PLXNA2: variants seen among roughly 807,000 people sequenced by gnomAD.
The protein encoded by PLXNA2 is plexin A2.
Under a neutral mutation model 193.5 loss-of-function variants are expected in PLXNA2, and 91 were observed. The observed-to-expected ratio is 0.47, with a 90% CI of 0.40 to 0.56. The LOEUF (loss-of-function observed/expected upper bound fraction) is 0.56, where lower values mean the gene tolerates loss of function less well. Ranked by LOEUF, PLXNA2 falls within the 20% of genes least tolerant of loss-of-function variation. The probability of loss-of-function intolerance (pLI) is 0.00; values close to 1 mark genes in which losing one functional copy is unlikely to be tolerated. For synonymous variants in PLXNA2, 997 were observed against 1,027.3 expected, an observed-to-expected ratio of 0.97 and a Z score of 0.56; for missense variants, 1,995 against 2,503.2, an observed-to-expected ratio of 0.80 and a Z score of 4.33.
At chr1:208,228,237 G>A (rs1671572455) in intron 1 of PLXNA2, among the ~76,000 whole-genome samples, 1 of 152,136 alleles carries the variant, frequency 6.6e-6, no homozygotes, top group Admixed American at 6.5e-5. Flanking sequence ...GTGCTCTAGG[G>A]ACAAGGATCA....
At chr1:208,050,983 G>A in intron 17 of PLXNA2, 26 bp downstream of exon 17, 1 of 1,540,882 alleles carries the variant, frequency 6.5e-7, no homozygotes, top group Non-Finnish European at 9.0e-7. Context: ...TTTACCAAAG[G>A]CTGGGGCAGA....
At position 208,028,527 on chromosome 1, in the gene PLXNA2, A is replaced by T. The variant is rs577523790; in HGVS notation, c.5438+303T>A. ...GTTTCCTTATCAGTAAAATGGGGATAATAATAATACTGGCTTCACAACTCT... is the reference window on the plus strand; with the variant it reads ...GTTTCCTTATCAGTAAAATGGGGATTATAATAATACTGGCTTCACAACTCT... On this transcript the variant is annotated intron_variant, in intron 30 of 31. Transcript: ENST00000367033. The surrounding 1 kb of genome is among the most constrained non-coding windows in gnomAD (Gnocchi z 4.2). 3.0e-4 allele frequency among the ~76,000 whole-genome samples: 46 copies of T among 152,330 alleles called. No individual in the cohort carries two copies. The South Asian group carries it at 9.3e-3, about 31-fold the overall frequency.
At position 208,177,984 on chromosome 1, in the gene PLXNA2, G is replaced by T. The variant is rs867778457; in HGVS notation, c.1371+32296C>A. Among the ~76,000 whole-genome samples, 4 of 152,340 alleles carry T rather than the reference G, an allele frequency of 2.6e-5. No homozygotes were observed. The East Asian group carries it at 7.7e-4, about 29-fold the overall frequency. On this transcript the variant is annotated intron_variant, in intron 3 of 31. Coordinates refer to ENST00000367033, the MANE Select transcript of PLXNA2 (RefSeq NM_025179.4). ...ATTTCAAACCTCTTACTGCAAAACA[G>T]GGGCCTTACCCTGAGGACTTGAACA...
intron 12 of PLXNA2, among the ~76,000 whole-genome samples, chr1:208,062,942 T>C (rs1020856266): frequency 2.0e-5 from 3 of 152,072 alleles, no homozygotes; most frequent in African/African-American, 4.8e-5. Flanking sequence ...TAATGAGAAA[T>C]GGAAAGGGCT....
At chr1:208,120,714 G>C (rs1006453960) in intron 4 of PLXNA2, among the ~76,000 whole-genome samples, 1 of 152,222 alleles carries the variant, frequency 6.6e-6, no homozygotes, top group East Asian at 1.9e-4. Flanking sequence ...GAAGTAGGGA[G>C]TTGAAATATA....
At position 208,043,053 on chromosome 1, in the gene PLXNA2, G is replaced by A; in HGVS notation, c.4017+8C>T. ...GCTGGGTGGCTGGGCCCAGGAGGCA[G>A]GCATTACCTCCAGCTCCCGCAGGAC... is the stretch of plus-strand genomic sequence containing the variant. On this transcript the variant is annotated splice_region_variant and intron_variant, in intron 21 of 31. Transcript: ENST00000367033. 1 of 1,613,046 alleles carries A rather than the reference G, an allele frequency of 6.2e-7. No homozygotes were observed. The highest frequency in any genetic ancestry group is 1.3e-5 in the African/African-American group (1 of 75,034).
chr1:208,172,753 T>C (rs1417246998), intron 3 of PLXNA2, among the ~76,000 whole-genome samples: 1 of 152,210 alleles, frequency 6.6e-6, no homozygotes, highest in Non-Finnish European at 1.5e-5. Context: ...TGGGAGTCCC[T>C]GCAGGAGCCT....
intron 3 of PLXNA2, among the ~76,000 whole-genome samples, chr1:208,170,276 C>T (rs1669448962): frequency 6.6e-6 from 1 of 152,204 alleles, no homozygotes; most frequent in Non-Finnish European, 1.5e-5. Context: ...TGTCATTTAT[C>T]TTCCTCTTAG....
At position 208,217,965 on chromosome 1, in the gene PLXNA2, C is replaced by G; in HGVS notation, c.-43G>C. ...TGAGGAGACGGCTCCTGTGTGTGCT[C>G]ATCTGCTCCACCTTCCCCGGTTGGC... On this transcript the variant is annotated 5_prime_UTR_variant, in exon 2 of 32. An upstream start codon of the reference 5' UTR is lost. Coordinates refer to ENST00000367033, the MANE Select transcript of PLXNA2 (RefSeq NM_025179.4). This position sits in a 1 kb window ranked among gnomAD's most constrained non-coding sequence, Gnocchi z 4.7. 17 of 1,593,024 alleles carry G rather than the reference C, an allele frequency of 1.1e-5. No individual in the cohort carries two copies. The highest frequency in any genetic ancestry group is 1.4e-5 in the Non-Finnish European group (17 of 1,176,044).
intron 3 of PLXNA2, among the ~76,000 whole-genome samples, chr1:208,192,548 T>C (rs1322249186): frequency 6.6e-6 from 1 of 151,556 alleles, no homozygotes; most frequent in Middle Eastern, 3.4e-3. Context: ...AAGGGTGGAG[T>C]TGGGAGTTGG....
At chr1:208,099,090 G>A in intron 5 of PLXNA2, 121 bp from the exon 6 acceptor site, 1 of 1,230,678 alleles carries the variant, frequency 8.1e-7, no homozygotes, top group South Asian at 1.5e-5. Context: ...TTCTCAAGAA[G>A]ACTTTTACTG....
chr1:208,217,990 C>A lies in PLXNA2; in HGVS notation c.-68G>T. ...CATCTGCTCCACCTTCCCCGGTTGGCCCTCACATGATTCTGCAAAACACAA... is the reference window on the plus strand; with the variant it reads ...CATCTGCTCCACCTTCCCCGGTTGGACCTCACATGATTCTGCAAAACACAA... On this transcript the variant is annotated 5_prime_UTR_variant, in exon 2 of 32. Transcript: ENST00000367033. This position sits in a 1 kb window ranked among gnomAD's most constrained non-coding sequence, Gnocchi z 4.7. 6.4e-7 allele frequency: 1 copy of A among 1,570,040 alleles called. No homozygotes were observed. Among genetic ancestry groups the A allele is most frequent in the Non-Finnish European group, 8.6e-7 (1 of 1,164,906 alleles).
chr1:208,086,707 A>G (rs745987735), intron 9 of PLXNA2, among the ~76,000 whole-genome samples: 11 of 151,150 alleles, frequency 7.3e-5, no homozygotes, highest in Admixed American at 4.0e-4. Flanking sequence ...TCAAGCTGCC[A>G]ACTCATAAAC....
At chr1:208,093,283 C>T (rs572640790) in intron 8 of PLXNA2, among the ~76,000 whole-genome samples, 19 of 152,310 alleles carry the variant, frequency 1.2e-4, no homozygotes, top group African/African-American at 3.6e-4. Flanking sequence ...AGGTTTTCTT[C>T]TGAATGCTGG....
At position 208,028,675 on chromosome 1, in the gene PLXNA2, C is replaced by A. The variant is rs1395878519; in HGVS notation, c.5438+155G>T. Among the ~76,000 whole-genome samples, 1 of 152,178 alleles carries A rather than the reference C, an allele frequency of 6.6e-6. No individual in the cohort carries two copies. Among genetic ancestry groups the A allele is most frequent in the Non-Finnish European group, 1.5e-5 (1 of 68,036 alleles). ...TGACTTCCACGGGCACAAAGCCACC[C>A]TTCCTCCCGCAGCAGGGGGTGTGGC... On this transcript the variant is annotated intron_variant, in intron 30 of 31. Transcript: ENST00000367033. The surrounding 1 kb of genome is among the most constrained non-coding windows in gnomAD (Gnocchi z 4.2).
At chr1:208,154,009 C>A (rs1187172539) in intron 3 of PLXNA2, among the ~76,000 whole-genome samples, 1 of 129,254 alleles carries the variant, frequency 7.7e-6, no homozygotes, top group Non-Finnish European at 1.6e-5. Context: ...GGGGCCAGAT[C>A]ATTCTAATCA....
At chr1:208,220,994 C>G (rs762170063) in intron 1 of PLXNA2, among the ~76,000 whole-genome samples, 1 of 152,116 alleles carries the variant, frequency 6.6e-6, no homozygotes, top group African/African-American at 2.4e-5. Flanking sequence ...ATAGCCTCTC[C>G]GCAGACTGCA....
At chr1:208,151,642 C>G (rs1668766083) in intron 3 of PLXNA2, among the ~76,000 whole-genome samples, 2 of 152,194 alleles carry the variant, frequency 1.3e-5, no homozygotes, top group African/African-American at 4.8e-5. Flanking sequence ...ATTTATTGAG[C>G]ATCTATTCTA....
At chr1:208,084,890 C>T (rs886420603) in intron 9 of PLXNA2, among the ~76,000 whole-genome samples, 2 of 152,156 alleles carry the variant, frequency 1.3e-5, no homozygotes, top group African/African-American at 2.4e-5. Flanking sequence ...TCCACGTGTC[C>T]CTGTCCCCAA....
Sources: allele counts gnomAD v4.1 joint callset (sites outside exome capture counted in the v4.1 genomes callset), GRCh38; gene constraint gnomAD v4.1.1; non-coding constraint Gnocchi (gnomAD v3.1); transcripts MANE v1.5; gene names NCBI Gene and HGNC (gene_info 2026-07-23, HGNC 2026-07-21).